Variants in EYS observed in about 807,000 individuals in gnomAD.
EYS encodes the protein protein eyes shut homolog.
A neutral mutation model predicts 282.1 loss-of-function variants in EYS; 250 were observed. The observed-to-expected ratio is 0.89, with a 90% CI of 0.80 to 0.98. The LOEUF is 0.98. EYS is among the 50% of genes least tolerant of loss of function. The pLI is 0.00. For synonymous variants in EYS, 1,355 were observed against 1,282.9 expected, an observed-to-expected ratio of 1.06 and a Z score of -1.20; for missense variants, 4,016 against 3,709.0, an observed-to-expected ratio of 1.08 and a Z score of -2.15.
At chr6:65,465,650 T>A (rs1439710152) in intron 5 of EYS, among the ~76,000 whole-genome samples, 1 of 152,158 alleles carries the variant, frequency 6.6e-6, no homozygotes, top group East Asian at 1.9e-4. Flanking sequence ...AATATATTTT[T>A]AAAATTCAAA....
chr6:65,418,796 T>C (rs1028260960), intron 5 of EYS, among the ~76,000 whole-genome samples: 5 of 151,942 alleles, frequency 3.3e-5, no homozygotes, highest in African/African-American at 1.2e-4. Flanking sequence ...GTAACAAACC[T>C]TCACGTTCTG....
chr6:65,608,972 A>G (rs1765897693), intron 2 of EYS, among the ~76,000 whole-genome samples: 1 of 152,058 alleles, frequency 6.6e-6, no homozygotes, highest in Non-Finnish European at 1.5e-5. Context: ...TGAAAGGCCT[A>G]CCTGAGGCTG....
In EYS at chr6:65,296,063, C is replaced by A; in HGVS notation, c.1823G>T (p.Cys608Phe). Residue 608 changes from cysteine to phenylalanine, a missense_variant, in exon 12 of 43, where the codon TGC becomes TTC. Coordinates refer to ENST00000503581, the MANE Select transcript of EYS (RefSeq NM_001142800.2). ...GRLCVVNVDY[C>F]LGNHSISVHG... ...CACTGATATACTGTGGTTCCCTAAG[C>A]AATAGTCAACATTGACAACACACAA... 1 of 1,550,530 alleles carries A rather than the reference C, an allele frequency of 6.4e-7. No individual in the cohort carries two copies. The highest frequency in any genetic ancestry group is 8.7e-7 in the Non-Finnish European group (1 of 1,146,276).
At chr6:64,203,572 C>T (rs867001523) in intron 31 of EYS, among the ~76,000 whole-genome samples, 20 of 152,028 alleles carry the variant, frequency 1.3e-4, no homozygotes, top group Admixed American at 6.6e-4. Flanking sequence ...GGGATTATGC[C>T]AAAACTTCTG....
intron 9 of EYS, among the ~76,000 whole-genome samples, chr6:65,350,404 A>G (rs1770553667): frequency 6.6e-6 from 1 of 151,590 alleles, no homozygotes; most frequent in Non-Finnish European, 1.5e-5. Flanking sequence ...TTTATAAAGG[A>G]AAAATAAAAC....
At chr6:63,997,701 G>A (rs1767896481) in intron 34 of EYS, among the ~76,000 whole-genome samples, 2 of 152,142 alleles carry the variant, frequency 1.3e-5, no homozygotes. Context: ...AAGGTAACTG[G>A]TTTGTCAAAG....
chr6:64,690,920 T>C (rs887774441), intron 22 of EYS, among the ~76,000 whole-genome samples: 6 of 152,048 alleles, frequency 3.9e-5, no homozygotes, highest in Non-Finnish European at 8.8e-5. Context: ...ATGGCACATG[T>C]ATACATATGT....
chr6:65,603,016 G>T (rs1765664568), intron 2 of EYS, among the ~76,000 whole-genome samples: 1 of 151,882 alleles, frequency 6.6e-6, no homozygotes, highest in South Asian at 2.1e-4. Context: ...TGGGTTTAGG[G>T]TGATAGTAAC....
At chr6:65,342,291 T>C (rs9445509) in intron 10 of EYS, among the ~76,000 whole-genome samples, 34,304 of 150,830 alleles carry the variant, frequency 0.23, 4,109 homozygotes, top group South Asian at 0.39. Flanking sequence ...ATTGTCTGAT[T>C]ACACAATCTA....
At chr6:64,790,934 C>A (rs529344486) in intron 22 of EYS, among the ~76,000 whole-genome samples, 1 of 151,782 alleles carries the variant, frequency 6.6e-6, no homozygotes, top group Admixed American at 6.6e-5. Flanking sequence ...TTAAAAACAT[C>A]TTTCAAATTA....
intron 30 of EYS, among the ~76,000 whole-genome samples, chr6:64,283,716 G>A (rs1768393518): frequency 6.6e-6 from 1 of 152,084 alleles, no homozygotes; most frequent in African/African-American, 2.4e-5. Context: ...GGGAAGAGAA[G>A]GAGGTTTTAT....
intron 26 of EYS, among the ~76,000 whole-genome samples, chr6:64,554,671 A>T (rs1384375036): frequency 1.3e-5 from 2 of 151,996 alleles, no homozygotes; most frequent in Non-Finnish European, 2.9e-5. Context: ...AAGAAACTTG[A>T]ATAATTTAAC....
intron 34 of EYS, among the ~76,000 whole-genome samples, chr6:63,990,129 G>A (rs75425307): frequency 0.013 from 2,016 of 151,664 alleles, 41 homozygotes; most frequent in African/African-American, 0.045. Context: ...GATTACTCTT[G>A]TCTATAAAGA....
chr6:64,613,561 G>T (rs1431194471), intron 24 of EYS, among the ~76,000 whole-genome samples: 1 of 152,046 alleles, frequency 6.6e-6, no homozygotes, highest in Non-Finnish European at 1.5e-5. Context: ...CCCAAACATT[G>T]GAGAGACAGT....
intron 8 of EYS, among the ~76,000 whole-genome samples, chr6:65,373,662 G>A (rs746123085): frequency 6.6e-6 from 1 of 151,990 alleles, no homozygotes; most frequent in Non-Finnish European, 1.5e-5. Flanking sequence ...TTTTCAATAT[G>A]ATTAATAACC....
chr6:64,774,047 A>G (rs1349244292), intron 22 of EYS, among the ~76,000 whole-genome samples: 2 of 152,002 alleles, frequency 1.3e-5, no homozygotes, highest in Admixed American at 6.6e-5. Context: ...GTAAGACTGG[A>G]GCATTTTTGT....
At chr6:64,722,917 T>C (rs953584356) in intron 22 of EYS, among the ~76,000 whole-genome samples, 1 of 152,188 alleles carries the variant, frequency 6.6e-6, no homozygotes, top group African/African-American at 2.4e-5. Context: ...TCCGTATTGT[T>C]ATCACAGGGA....
chr6:65,437,575 C>A (rs1768122289), intron 5 of EYS, among the ~76,000 whole-genome samples: 1 of 152,102 alleles, frequency 6.6e-6, no homozygotes, highest in Non-Finnish European at 1.5e-5. Context: ...CACATAATAA[C>A]ATATGGACAT....
chr6:63,888,979 A>C (rs1397528695), intron 35 of EYS, among the ~76,000 whole-genome samples: 3 of 152,192 alleles, frequency 2.0e-5, no homozygotes, highest in African/African-American at 7.2e-5. Context: ...ATAGCACGTA[A>C]ACTTCATGAA....
Sources: allele counts gnomAD v4.1 joint callset (sites outside exome capture counted in the v4.1 genomes callset), GRCh38; gene constraint gnomAD v4.1.1; transcripts MANE v1.5; gene names NCBI Gene and HGNC (gene_info 2026-07-23, HGNC 2026-07-21).